ARHGAP33: variants seen among roughly 807,000 people sequenced by gnomAD.
ARHGAP33 encodes the protein rho GTPase-activating protein 33.
Under a neutral mutation model 126.2 loss-of-function variants are expected in ARHGAP33, and 57 were observed. The observed-to-expected ratio is 0.45, with a 90% CI of 0.36 to 0.56. ARHGAP33 has a LOEUF of 0.56. Ranked by LOEUF, ARHGAP33 falls within the 20% of genes least tolerant of loss-of-function variation. The pLI is 0.00. For missense variants in ARHGAP33, 1,500 were observed against 1,748.3 expected (o/e 0.86, Z 2.53); for synonymous variants, 711 against 755.0 (o/e 0.94, Z 0.95).
At chr19:35,780,168 C>G in intron 6 of ARHGAP33, 43 bp from the exon 7 acceptor site, 1 of 1,604,992 alleles carries the variant, frequency 6.2e-7, no homozygotes, top group Non-Finnish European at 8.5e-7. Context: ...TGCACTAACA[C>G]CGTCTTCTGA....
At position 35,787,656 on chromosome 19, in the gene ARHGAP33, G is replaced by T; in HGVS notation, c.3091G>T (p.Gly1031Cys). Residue 1031 changes from glycine to cysteine, a missense_variant, in exon 21 of 21, where the codon GGC becomes TGC. Physicochemically the swap from Gly to Cys is radical, Grantham distance 159 (BLOSUM62 -3). Around this residue, in one of 6 missense-constraint regions of ARHGAP33, gnomAD observed 642 missense variants for 634.0 expected, o/e 1.01. Transcript: ENST00000007510. Reference protein sequence around the residue: ...CSVPSQVPTPGFFSPAPRECL... With the variant: ...CSVPSQVPTPCFFSPAPRECL... ...TGTCCCCTCACAGGTTCCTACCCCC[G>T]GCTTCTTCTCCCCAGCCCCCAGGGA... 6.3e-7 allele frequency: 1 copy of T among 1,590,806 alleles called. No homozygotes were observed. The highest frequency in any genetic ancestry group is 8.5e-7 in the Non-Finnish European group (1 of 1,173,512).
chr19:35,786,907 G>T lies in ARHGAP33; in HGVS notation c.2437G>T (p.Ala813Ser). ...ACCCGCTGTCCTAGAACTGCTGGGG[G>T]CTGGGGGAGCACCTGCCTCAGCCAC... ...VPPAVLELLGAGGAPASATPT... is the reference protein window; with the variant it reads ...VPPAVLELLGSGGAPASATPT... Residue 813 changes from alanine to serine, a missense_variant, in exon 20 of 21, where the codon GCT becomes TCT. Coordinates refer to ENST00000007510, the MANE Select transcript of ARHGAP33 (RefSeq NM_001366178.1). This position sits in a 1 kb window ranked among gnomAD's most constrained non-coding sequence, Gnocchi z 7.0. 6.2e-7 allele frequency: 1 copy of T among 1,609,640 alleles called. No homozygotes were observed.
At position 35,786,706 on chromosome 19, in the gene ARHGAP33, C is replaced by T. The variant is rs1267283038; in HGVS notation, c.2236C>T (p.Arg746Cys). 17 of 1,534,790 alleles carry T rather than the reference C, an allele frequency of 1.1e-5. No homozygotes were observed. The African/African-American group carries it at 1.2e-4, about 11-fold the overall frequency. ...RGLDFDPLTF[R>C]CSSPTPGDPA... ...GCTGGACTTTGATCCCTTAACCTTC[C>T]GCTGCAGCAGCCCCACCCCAGGGGA... The change falls in exon 20 of 21, where the codon CGC becomes TGC. Residue 746 changes from arginine to cysteine, a missense_variant. By Grantham distance (180) the Arg-to-Cys change is radical. Coordinates refer to ENST00000007510, the MANE Select transcript of ARHGAP33 (RefSeq NM_001366178.1). The surrounding 1 kb of genome is among the most constrained non-coding windows in gnomAD (Gnocchi z 7.0).
Position 35,777,761 on chromosome 19 carries a change from AG to A in ARHGAP33, c.104+22del. The A allele has an allele frequency of 7.4e-6, 12 of 1,613,528 alleles. No homozygotes were observed. The highest frequency in any genetic ancestry group is 9.3e-6 in the Non-Finnish European group (11 of 1,179,614). On this transcript the variant is annotated intron_variant, in intron 2 of 20. Transcript: ENST00000007510. ...GGAAGAGGTGAGGGTGAGGGAGGAA[AG>A]GGCTCAGCTAGGAGCTGGGGAGACT...
Position 35,781,213 on chromosome 19 carries a change from A to G in ARHGAP33, c.1046A>G (p.Tyr349Cys). ...IEAHGVVDGI[Y>C]RLSGVSSNIQ... Reference sequence around the variant, plus strand: ...GCCCACGGGGTGGTGGATGGGATCTACCGGCTCTCAGGCGTGTCTTCCAAC... The same window carrying G: ...GCCCACGGGGTGGTGGATGGGATCTGCCGGCTCTCAGGCGTGTCTTCCAAC... The change falls in exon 12 of 21, where the codon TAC (tyrosine) becomes TGC (cysteine). Residue 349 changes from tyrosine (Y) to cysteine (C), a missense_variant. This residue lies in a region of ARHGAP33 where 281 missense variants were observed against 413.7 expected (regional missense o/e 0.68). Coordinates refer to ENST00000007510, the MANE Select transcript of ARHGAP33 (RefSeq NM_001366178.1). The G allele has an allele frequency of 6.2e-7, 1 of 1,613,872 alleles. No individual in the cohort carries two copies. The highest frequency in any genetic ancestry group is 8.5e-7 in the Non-Finnish European group (1 of 1,179,992).
At chr19:35,784,826 C>T (rs377657619) in intron 16 of ARHGAP33, 127 bp from the exon 17 acceptor site, 23 of 1,400,188 alleles carry the variant, frequency 1.6e-5, no homozygotes, top group East Asian at 2.8e-5. Context: ...TGATCCGCCC[C>T]GGCCCCCTGC....
rs1265181646 is a variant in ARHGAP33 at position 35,787,613 on chromosome 19, A to T, written c.3048A>T (p.Ala1016=). 42 of 1,603,182 alleles carry T rather than the reference A, an allele frequency of 2.6e-5. No individual in the cohort carries two copies. The Admixed American group carries it at 7.4e-4, about 28-fold the overall frequency. Residue 1016 remains alanine (A), a synonymous_variant, in exon 21 of 21, where the codon GCA becomes GCT. Transcript: ENST00000007510. ...GGGGRDAPEA[A]AQSPCSVPSQ... ...GGGGCAGGGATGCGCCAGAGGCAGC[A>T]GCCCAGTCCCCATGTTCTGTCCCCT...
intron 15 of ARHGAP33, among the ~76,000 whole-genome samples, chr19:35,783,196 C>T (rs1173157865): frequency 6.6e-6 from 1 of 152,070 alleles, no homozygotes; most frequent in African/African-American, 2.4e-5. Context: ...GCGAGAGTGG[C>T]AAGGGAGGCT....
Position 35,782,179 on chromosome 19 carries a change from G to A in ARHGAP33, c.1086-194G>A, listed in dbSNP as rs985629837. Among the ~76,000 whole-genome samples, 4 of 152,134 alleles carry A rather than the reference G, an allele frequency of 2.6e-5. No homozygotes were observed. The highest frequency in any genetic ancestry group is 4.4e-5 in the Non-Finnish European group (3 of 68,014). The stretch of plus-strand genomic sequence containing the variant: ...CCTCAGCATCCTCCTCTGTAAATGC[G>A]GCACCCTTCTCTTTGCCACACAGGC... On this transcript the variant is annotated intron_variant, in intron 12 of 20. Transcript: ENST00000007510. The surrounding 1 kb of genome is among the most constrained non-coding windows in gnomAD (Gnocchi z 4.1).
In ARHGAP33 at chr19:35,788,516, A is replaced by C; in HGVS notation, c.*87A>C. 8.4e-7 allele frequency: 1 copy of C among 1,194,568 alleles called. No homozygotes were observed. The highest frequency in any genetic ancestry group is 1.7e-5 in the South Asian group (1 of 58,794). 74.0% of individuals were successfully genotyped at this position (1,194,568 alleles called of 1,614,324 possible). On this transcript the variant is annotated 3_prime_UTR_variant, in exon 21 of 21. Transcript: ENST00000007510. ...AATCCCTTGTTTTGTATTTTCTTGA[A>C]CCCCGACCACTACCCCAGGTTTCTA...
At position 35,775,601 on chromosome 19, in the gene ARHGAP33, G is replaced by A. The variant is rs986698072; in HGVS notation, c.-58G>A. ...GTGTCGCCATGGCGGCGGCAGCGGC[G>A]ACGAGAACGGCGAGCGAGGGGTCGA... is the stretch of plus-strand genomic sequence containing the variant. On this transcript the variant is annotated 5_prime_UTR_variant, in exon 1 of 21. Transcript: ENST00000007510. 5.4e-6 allele frequency: 8 copies of A among 1,482,738 alleles called. No homozygotes were observed. The African/African-American group carries it at 1.0e-4, about 19-fold the overall frequency. The allele number at this position is 1,482,738 out of a possible 1,614,324, so 91.8% of individuals were successfully genotyped here.
chr19:35,787,850 C>T lies in ARHGAP33; in HGVS notation c.3285C>T (p.Ser1095=). ...LYYEIGASEG[S]PYSGPTRSWS... ...ATGAGATCGGGGCAAGTGAGGGGTC[C>T]CCCTATTCTGGCCCCACCCGCTCCT... The change falls in exon 21 of 21, where the codon TCC becomes TCT. Residue 1095 remains serine, a synonymous_variant. Transcript: ENST00000007510. 6.2e-7 allele frequency: 1 copy of T among 1,608,470 alleles called. No homozygotes were observed. Among genetic ancestry groups the T allele is most frequent in the South Asian group, 1.1e-5 (1 of 90,770 alleles).
In ARHGAP33 at chr19:35,788,375, C is replaced by T. The variant is rs770216969; in HGVS notation, c.3810C>T (p.Tyr1270=). 1.8e-5 allele frequency: 28 copies of T among 1,593,294 alleles called. No individual in the cohort carries two copies. The highest frequency in any genetic ancestry group is 1.7e-6 in the Non-Finnish European group (2 of 1,170,748). The stretch of plus-strand genomic sequence containing the variant: ...AGGGGGCTGGTCCCCCACCCCCTTA[C>T]CCCACTCCCAGCTGGTCCCTCCACT... ...RGEGAGPPPP[Y]PTPSWSLHSE... is the part of the protein sequence containing the mutation. The change falls in exon 21 of 21, where the codon TAC becomes TAT. Residue 1270 remains tyrosine, a synonymous_variant. Transcript: ENST00000007510.
In ARHGAP33 at chr19:35,787,201, C is replaced by T. The variant is rs1380490288; in HGVS notation, c.2636C>T (p.Pro879Leu). 1 of 1,611,196 alleles carries T rather than the reference C, an allele frequency of 6.2e-7. No individual in the cohort carries two copies. Among genetic ancestry groups the T allele is most frequent in the Non-Finnish European group, 8.5e-7 (1 of 1,179,072 alleles). Residue 879 changes from proline (P) to leucine (L), a missense_variant, in exon 21 of 21, where the codon CCC becomes CTC. Physicochemically the swap from Pro to Leu is moderately conservative, Grantham distance 98 (BLOSUM62 -3). Around this residue, in one of 6 missense-constraint regions of ARHGAP33, gnomAD observed 642 missense variants for 634.0 expected, o/e 1.01. Transcript: ENST00000007510. ...ATGGAGTCACCACTGCCACCCCCTC[C>T]CCTGTCTCTCCTGCGCCCTGGGGGT... ...PDMESPLPPPPLSLLRPGGAP... is the reference protein window; with the variant it reads ...PDMESPLPPPLLSLLRPGGAP...
Position 35,785,292 on chromosome 19 carries a change from C to T in ARHGAP33, c.1825C>T (p.Leu609=), listed in dbSNP as rs1472000555. The change falls in exon 18 of 21, where the codon CTG becomes TTG. Residue 609 remains leucine, a synonymous_variant. Coordinates refer to ENST00000007510, the MANE Select transcript of ARHGAP33 (RefSeq NM_001366178.1). ...RGPSVPRKKP[L]PWLGGTRAPP... is the part of the protein sequence containing the mutation. ...CCCCAGTGTCCCTCGAAAGAAGCCC[C>T]TGCCCTGGCTGGGGGGCACCCGTGC... is the stretch of plus-strand genomic sequence containing the variant. The T allele has an allele frequency of 1.9e-6, 3 of 1,603,410 alleles. No individual in the cohort carries two copies. The Admixed American group carries it at 5.2e-5, about 28-fold the overall frequency.
Position 35,787,713 on chromosome 19 carries a change from C to A in ARHGAP33, c.3148C>A (p.Pro1050Thr). The A allele has an allele frequency of 1.3e-6, 2 of 1,593,030 alleles. No homozygotes were observed. Among genetic ancestry groups the A allele is most frequent in the Non-Finnish European group, 1.7e-6 (2 of 1,173,944 alleles). Residue 1050 changes from proline to threonine, a missense_variant, in exon 21 of 21, where the codon CCA (proline) becomes ACA (threonine). Pro to Thr is a conservative substitution (Grantham distance 38, BLOSUM62 -1). Transcript: ENST00000007510. ...CLPPFLGVPK[P>T]GLYPLGPPSF... ...GCCACCCTTCCTCGGGGTCCCCAAG[C>A]CAGGCTTGTACCCCCTGGGCCCCCC...
chr19:35,786,845 C>T lies in ARHGAP33; in HGVS notation c.2375C>T (p.Ala792Val), dbSNP rs1304629525. 3.8e-6 allele frequency: 6 copies of T among 1,587,370 alleles called. No individual in the cohort carries two copies. Among genetic ancestry groups the T allele is most frequent in the Non-Finnish European group, 4.3e-6 (5 of 1,170,018 alleles). The change falls in exon 20 of 21, where the codon GCC (alanine) becomes GTC (valine). Residue 792 changes from alanine to valine, a missense_variant. Transcript: ENST00000007510. This position sits in a 1 kb window ranked among gnomAD's most constrained non-coding sequence, Gnocchi z 7.0. ...CCCACCAGCCCCGCCTCGCCTGCTG[C>T]CCTAGACATCTCAGAGCCCCTGGCT... is the stretch of plus-strand genomic sequence containing the variant. ...RGPTSPASPA[A>V]LDISEPLAVS...
chr19:35,784,334 CCT>C lies in ARHGAP33; in HGVS notation c.1567+18_1567+19del. ...ACCCTGCAGGTATGCCCTCCCACCC[CCT>C]GAGGTCCTGGCTACTGCCCACCACG... On this transcript the variant is annotated intron_variant, in intron 16 of 20. Transcript: ENST00000007510. 6.5e-7 allele frequency: 1 copy of C among 1,541,802 alleles called. No individual in the cohort carries two copies.
Position 35,784,996 on chromosome 19 carries a change from C to T in ARHGAP33, c.1611C>T (p.Cys537=), listed in dbSNP as rs1599795499. 5 of 1,547,156 alleles carry T rather than the reference C, an allele frequency of 3.2e-6. No individual in the cohort carries two copies. In the East Asian group the frequency reaches 1.2e-4, roughly 38 times the overall value. ...LPRPKSLAGS[C]PSTRLLTLEE... ...GGCCCAAGTCCCTTGCGGGCAGCTG[C>T]CCCTCCACCCGCCTGCTGACGCTGG... The change falls in exon 17 of 21, where the codon TGC becomes TGT. Residue 537 remains cysteine (C), a synonymous_variant. Transcript: ENST00000007510.
Sources: allele counts gnomAD v4.1 joint callset (sites outside exome capture counted in the v4.1 genomes callset), GRCh38; gene constraint gnomAD v4.1.1; regional missense constraint gnomAD v4.1.1; non-coding constraint Gnocchi (gnomAD v3.1); transcripts MANE v1.5; gene names NCBI Gene and HGNC (gene_info 2026-07-23, HGNC 2026-07-21).